The following PPARGC1A variants were observed in gnomAD, a reference collection of about 807,000 sequenced individuals.
The protein encoded by PPARGC1A is PPARG coactivator 1 alpha.
PPARGC1A carries 25 observed loss-of-function variants against 88.7 expected under a neutral mutation model. The ratio of observed to expected loss-of-function variants is 0.28; its 90% CI spans 0.21 to 0.39. PPARGC1A has a LOEUF of 0.39. Ranked by LOEUF, PPARGC1A falls within the 10% of genes least tolerant of loss-of-function variation. PPARGC1A has a pLI of 1.00. For missense variants in PPARGC1A, 880 were observed against 968.7 expected, an observed-to-expected ratio of 0.91 and a Z score of 1.22; for synonymous variants, 363 against 355.6, an observed-to-expected ratio of 1.02 and a Z score of -0.24.
chr4:24,114,839 C>T, the PPARGC1A span, among the ~76,000 whole-genome samples: 4 of 152,106 alleles, frequency 2.6e-5, no homozygotes, highest in South Asian at 2.1e-4. Context: ...GGGTAAGGTG[C>T]GTGGGTAAAT....
chr4:23,994,511 G>A, the PPARGC1A span, among the ~76,000 whole-genome samples: 1 of 152,100 alleles, frequency 6.6e-6, no homozygotes, highest in Non-Finnish European at 1.5e-5. Flanking sequence ...GGGGGGCGGT[G>A]AGAAGAGCAC....
the PPARGC1A span, among the ~76,000 whole-genome samples, chr4:24,215,837 G>A: frequency 6.6e-6 from 1 of 152,166 alleles, no homozygotes; most frequent in Non-Finnish European, 1.5e-5. Flanking sequence ...CATACCTTGG[G>A]ATACGGCTGT....
chr4:24,276,107 T>G, the PPARGC1A span, among the ~76,000 whole-genome samples: 10 of 152,096 alleles, frequency 6.6e-5, no homozygotes. Flanking sequence ...TTAATGAAAG[T>G]TTAGTGGGGC....
the PPARGC1A span, among the ~76,000 whole-genome samples, chr4:24,064,322 A>G: frequency 6.6e-6 from 1 of 152,224 alleles, no homozygotes; most frequent in Non-Finnish European, 1.5e-5. Flanking sequence ...TGACATGTCC[A>G]GAAGGTCTCT....
chr4:24,199,531 G>T, the PPARGC1A span, among the ~76,000 whole-genome samples: 1 of 152,104 alleles, frequency 6.6e-6, no homozygotes, highest in Non-Finnish European at 1.5e-5. Context: ...GGAGTTTGCC[G>T]ATCAAAGGCA....
At chr4:23,993,638 T>G in the PPARGC1A span, among the ~76,000 whole-genome samples, 1 of 152,068 alleles carries the variant, frequency 6.6e-6, no homozygotes, top group Non-Finnish European at 1.5e-5. Context: ...GGTAAACAAC[T>G]TGCCCAAAGA....
the PPARGC1A span, among the ~76,000 whole-genome samples, chr4:24,026,697 C>T: frequency 1.3e-5 from 2 of 152,156 alleles, no homozygotes; most frequent in Non-Finnish European, 1.5e-5. Context: ...CATCCATCCA[C>T]CACTCTGAAC....
At chr4:24,274,442 C>G in the PPARGC1A span, among the ~76,000 whole-genome samples, 1 of 152,210 alleles carries the variant, frequency 6.6e-6, no homozygotes. Context: ...GCCAGCTGGT[C>G]TCCTTCGTCG....
the PPARGC1A span, among the ~76,000 whole-genome samples, chr4:24,286,527 C>G: frequency 1.3e-5 from 2 of 152,136 alleles, no homozygotes; most frequent in South Asian, 2.1e-4. Flanking sequence ...TTCCTGGAAG[C>G]CTTTGGATTT....
At chr4:24,471,370 G>A in the PPARGC1A span, among the ~76,000 whole-genome samples, 1 of 151,730 alleles carries the variant, frequency 6.6e-6, no homozygotes, top group African/African-American at 2.4e-5. The surrounding 1 kb of genome is among the most constrained non-coding windows in gnomAD (Gnocchi z 5.4). Flanking sequence ...ACGCATACAC[G>A]TACACACATG....
At chr4:24,010,485 C>A in the PPARGC1A span, among the ~76,000 whole-genome samples, 4 of 152,058 alleles carry the variant, frequency 2.6e-5, no homozygotes, top group East Asian at 5.8e-4. Flanking sequence ...CGACCATATT[C>A]CTCTTCTGAG....
chr4:23,957,773 C>A, the PPARGC1A span, among the ~76,000 whole-genome samples: 2 of 152,026 alleles, frequency 1.3e-5, no homozygotes, highest in Non-Finnish European at 2.9e-5. Context: ...ATGTAGATAT[C>A]CACATACACA....
the PPARGC1A span, among the ~76,000 whole-genome samples, chr4:24,132,557 A>T: frequency 6.6e-6 from 1 of 152,178 alleles, no homozygotes; most frequent in East Asian, 1.9e-4. Flanking sequence ...ATATGTGCTT[A>T]GGTTACCAAG....
intron 2 of PPARGC1A, among the ~76,000 whole-genome samples, chr4:23,852,628 C>T (rs931525045): frequency 2.6e-5 from 4 of 152,014 alleles, no homozygotes; most frequent in African/African-American, 9.7e-5. Flanking sequence ...TAGTTTTCTC[C>T]GTTTTTTTTT....
the PPARGC1A span, among the ~76,000 whole-genome samples, chr4:24,263,103 C>T: frequency 6.6e-6 from 1 of 152,148 alleles, no homozygotes; most frequent in Non-Finnish European, 1.5e-5. Flanking sequence ...TGGTAGAAAA[C>T]TTGAATCTAA....
the PPARGC1A span, among the ~76,000 whole-genome samples, chr4:24,331,228 G>C: frequency 6.6e-6 from 1 of 152,134 alleles, no homozygotes; most frequent in East Asian, 1.9e-4. Context: ...TACTGGCCAA[G>C]CTCATTCCCT....
chr4:24,056,123 G>T, the PPARGC1A span, among the ~76,000 whole-genome samples: 1 of 152,362 alleles, frequency 6.6e-6, no homozygotes, highest in Admixed American at 6.5e-5. Flanking sequence ...AAGCTAAGAA[G>T]TGGCAGATTT....
the PPARGC1A span, among the ~76,000 whole-genome samples, chr4:24,063,567 G>A: frequency 2.0e-5 from 3 of 152,266 alleles, no homozygotes; most frequent in East Asian, 5.8e-4. Context: ...CAGGTTCCTA[G>A]CGATAAATAT....
the PPARGC1A span, among the ~76,000 whole-genome samples, chr4:24,328,222 AC>A: frequency 2.2e-5 from 3 of 138,010 alleles, no homozygotes; most frequent in Admixed American, 7.4e-5. Context: ...ACTGAAGGCC[AC>A]CCCCTCCCCA....
Sources: gnomAD v4.1 joint callset for allele counts (sites outside exome capture counted in the v4.1 genomes callset) on GRCh38, gnomAD v4.1.1 for gene constraint, Gnocchi (gnomAD v3.1) non-coding constraint, MANE v1.5 for transcripts, NCBI Gene and HGNC (gene_info 2026-07-23, HGNC 2026-07-21) for gene names.